MGLL: variants seen among roughly 807,000 people sequenced by gnomAD.
The protein encoded by MGLL is monoglyceride lipase.
In MGLL, 7 loss-of-function variants were observed where a neutral mutation model predicts 29.1. That is an observed-to-expected ratio of 0.24 (90% confidence interval 0.14 to 0.45). The LOEUF (loss-of-function observed/expected upper bound fraction) is 0.45. Among genes scored for constraint, MGLL ranks in the 20% least tolerant of loss-of-function variants. The pLI is 0.99. For missense variants in MGLL, 356 were observed against 413.6 expected, an observed-to-expected ratio of 0.86 and a Z score of 1.21; for synonymous variants, 148 against 168.3, an observed-to-expected ratio of 0.88 and a Z score of 0.93.
chr3:127,778,756 A>AT (rs1306352455), intron 3 of MGLL, among the ~76,000 whole-genome samples: 7 of 151,708 alleles, frequency 4.6e-5, no homozygotes, highest in Non-Finnish European at 7.4e-5. Context: ...GTTTTATTTA[A>AT]TTTTTTTTCT....
At chr3:127,809,427 ACAT>A (rs1259983305) in intron 2 of MGLL, among the ~76,000 whole-genome samples, 1 of 152,126 alleles carries the variant, frequency 6.6e-6, no homozygotes, top group African/African-American at 2.4e-5. Flanking sequence ...GGAATTTGTG[ACAT>A]GCCTGGGCAA....
intron 3 of MGLL, among the ~76,000 whole-genome samples, chr3:127,725,247 T>A (rs566035796): frequency 2.9e-4 from 44 of 152,324 alleles, no homozygotes; most frequent in African/African-American, 1.0e-3. Context: ...CTCCTTCTCA[T>A]CTGGCTGTGT....
chr3:127,759,599 G>A (rs2076728144), intron 3 of MGLL, among the ~76,000 whole-genome samples: 1 of 152,188 alleles, frequency 6.6e-6, no homozygotes, highest in African/African-American at 2.4e-5. Context: ...TTCCAAGGAA[G>A]GGAAGAGAGA....
At chr3:127,724,742 C>G (rs1484712310) in intron 3 of MGLL, among the ~76,000 whole-genome samples, 1 of 152,174 alleles carries the variant, frequency 6.6e-6, no homozygotes, top group Non-Finnish European at 1.5e-5. Context: ...AACACCAGGG[C>G]TGCCCAGTGT....
chr3:127,695,245 C>T, intron 6 of MGLL, 55 bp from the exon 7 acceptor site: 1 of 1,538,740 alleles, frequency 6.5e-7, no homozygotes, highest in Non-Finnish European at 9.0e-7. Context: ...CTTCCATAAG[C>T]CAGGCCTATT....
At chr3:127,729,961 G>C (rs546965031) in intron 3 of MGLL, among the ~76,000 whole-genome samples, 45 of 152,266 alleles carry the variant, frequency 3.0e-4, no homozygotes, top group Non-Finnish European at 5.7e-4. Flanking sequence ...GCCAACCTGT[G>C]GTCAGACTCT....
intron 1 of MGLL, 79 bp from the exon 2 acceptor site, chr3:127,821,917 G>C: frequency 6.8e-7 from 1 of 1,460,044 alleles, no homozygotes; most frequent in Admixed American, 2.1e-5. Context: ...GTCTAGTTCA[G>C]AGTCAGTAAC....
intron 3 of MGLL, among the ~76,000 whole-genome samples, chr3:127,780,616 G>C: frequency 6.6e-6 from 1 of 152,210 alleles, no homozygotes; most frequent in African/African-American, 2.4e-5. Flanking sequence ...ATATCCAGCT[G>C]AATAAGAGCC....
chr3:127,720,780 A>G (rs1348885945), intron 5 of MGLL, among the ~76,000 whole-genome samples: 1 of 152,204 alleles, frequency 6.6e-6, no homozygotes, highest in Non-Finnish European at 1.5e-5. Flanking sequence ...TGGACAAATA[A>G]CAAGTCTAAC....
At chr3:127,797,376 C>A (rs1192595036) in intron 2 of MGLL, among the ~76,000 whole-genome samples, 1 of 152,036 alleles carries the variant, frequency 6.6e-6, no homozygotes, top group East Asian at 1.9e-4. Flanking sequence ...AAGTAATATT[C>A]CCCTCGACCT....
At chr3:127,695,359 T>A (rs962971943) in intron 6 of MGLL, among the ~76,000 whole-genome samples, 169 bp from the exon 7 acceptor site, 1 of 152,172 alleles carries the variant, frequency 6.6e-6, no homozygotes, top group African/African-American at 2.4e-5. Flanking sequence ...TCCACAAACC[T>A]CATCTGCACC....
chr3:127,739,679 G>T lies in MGLL; in HGVS notation c.263-17113C>A, dbSNP rs758138015. Among the ~76,000 whole-genome samples the T allele has an allele frequency of 3.3e-5, 5 of 152,322 alleles. No individual in the cohort carries two copies. In the South Asian group the frequency reaches 8.3e-4, roughly 25 times the overall value. On this transcript the variant is annotated intron_variant, in intron 3 of 7. Transcript: ENST00000265052. ...GATTATACTGCAAACCGGCCATGCT[G>T]GTGACCTTATGGAGGGCTTTGGGAT...
At chr3:127,797,257 A>C (rs2107731736) in intron 2 of MGLL, among the ~76,000 whole-genome samples, 1 of 152,134 alleles carries the variant, frequency 6.6e-6, no homozygotes, top group South Asian at 2.1e-4. Flanking sequence ...CTTCTGGGAC[A>C]TTCTGTGTGG....
intron 6 of MGLL, among the ~76,000 whole-genome samples, chr3:127,708,459 G>C (rs934901079): frequency 6.6e-6 from 1 of 152,204 alleles, no homozygotes; most frequent in Non-Finnish European, 1.5e-5. Flanking sequence ...AGCCCCACCA[G>C]GTGCTTCCAT....
At chr3:127,778,632 A>T (rs2107705194) in intron 3 of MGLL, among the ~76,000 whole-genome samples, 1 of 152,234 alleles carries the variant, frequency 6.6e-6, no homozygotes, top group South Asian at 2.1e-4. Context: ...GGAGGTTTGG[A>T]TGTTGGAGCC....
intron 2 of MGLL, among the ~76,000 whole-genome samples, chr3:127,790,884 A>T (rs2077288270): frequency 1.3e-5 from 2 of 151,952 alleles, no homozygotes; most frequent in Non-Finnish European, 1.5e-5. Flanking sequence ...GCTCACACTG[A>T]CAGATCCCAC....
At chr3:127,787,844 G>A (rs545742506) in intron 2 of MGLL, among the ~76,000 whole-genome samples, 6 of 152,238 alleles carry the variant, frequency 3.9e-5, no homozygotes, top group East Asian at 1.9e-4. Flanking sequence ...TGACCGGCAC[G>A]TCTGCCGTCC....
At chr3:127,746,112 G>A (rs1010858190) in intron 3 of MGLL, among the ~76,000 whole-genome samples, 2 of 152,136 alleles carry the variant, frequency 1.3e-5, no homozygotes, top group African/African-American at 4.8e-5. Context: ...AACAGCACCG[G>A]CCAGGGAGAC....
At chr3:127,725,523 C>G (rs2076014146) in intron 3 of MGLL, among the ~76,000 whole-genome samples, 1 of 152,084 alleles carries the variant, frequency 6.6e-6, no homozygotes, top group Non-Finnish European at 1.5e-5. Context: ...GTCCTAAACA[C>G]AAAGAAACAC....
Sources: gnomAD v4.1 joint callset for allele counts (sites outside exome capture counted in the v4.1 genomes callset) on GRCh38, gnomAD v4.1.1 for gene constraint, MANE v1.5 for transcripts, NCBI Gene and HGNC (gene_info 2026-07-23, HGNC 2026-07-21) for gene names.